The following CHN1 variants were observed in gnomAD, a reference collection of about 807,000 sequenced individuals.
CHN1 encodes chimerin 1, also known as N-chimaerin.
A neutral mutation model predicts 59.5 loss-of-function variants in CHN1; 37 were observed. The observed-to-expected ratio is 0.62, with a 90% confidence interval of 0.48 to 0.82. CHN1 has a LOEUF of 0.82. Among genes scored for constraint, CHN1 ranks in the 40% least tolerant of loss-of-function variants. The probability of loss-of-function intolerance (pLI) is 0.00; values close to 1 mark genes in which losing one functional copy is unlikely to be tolerated. For synonymous variants in CHN1, 206 were observed against 200.4 expected, an observed-to-expected ratio of 1.03 and a Z score of -0.24; for missense variants, 469 against 571.0, an observed-to-expected ratio of 0.82 and a Z score of 1.82.
At chr2:174,988,283 G>A (rs1012379137) in intron 1 of CHN1, among the ~76,000 whole-genome samples, 2 of 151,480 alleles carry the variant, frequency 1.3e-5, no homozygotes, top group African/African-American at 2.4e-5. Context: ...CGTGAACCCG[G>A]GAGGCGGAGC....
chr2:174,891,140 CAAAA>C (rs58016502), intron 5 of CHN1, among the ~76,000 whole-genome samples: 18 of 24,414 alleles, frequency 7.4e-4, no homozygotes, highest in African/African-American at 1.8e-3. Flanking sequence ...GACTCCATCT[CAAAA>C]AAAAAAAAAA....
At chr2:174,966,744 G>A (rs575783977) in intron 1 of CHN1, among the ~76,000 whole-genome samples, 5 of 152,274 alleles carry the variant, frequency 3.3e-5, no homozygotes, top group African/African-American at 9.6e-5. Context: ...AATCTGAGGT[G>A]AGAAGAAGAG....
At chr2:174,869,265 T>C in intron 6 of CHN1, among the ~76,000 whole-genome samples, 1 of 152,210 alleles carries the variant, frequency 6.6e-6, no homozygotes, top group East Asian at 1.9e-4. Context: ...TAATCACTAC[T>C]ATACACCTCT....
chr2:174,833,703 T>C (rs1685961906), intron 7 of CHN1, among the ~76,000 whole-genome samples: 1 of 152,238 alleles, frequency 6.6e-6, no homozygotes, highest in Non-Finnish European at 1.5e-5. Flanking sequence ...ATACTCTGAA[T>C]TAACTGCATA....
chr2:174,991,310 C>T (rs894762446), intron 1 of CHN1, among the ~76,000 whole-genome samples: 9 of 152,174 alleles, frequency 5.9e-5, no homozygotes, highest in African/African-American at 2.2e-4. Context: ...AGCAGAAGAA[C>T]CCATCATTTT....
chr2:174,892,745 A>G (rs187601097), intron 5 of CHN1, among the ~76,000 whole-genome samples: 1 of 152,340 alleles, frequency 6.6e-6, no homozygotes, highest in East Asian at 1.9e-4. Flanking sequence ...ACAGCACATT[A>G]AAAGAATTAC....
Position 174,802,810 on chromosome 2 carries a change from G to T in CHN1, c.1103-998C>A, listed in dbSNP as rs565961110. Among the ~76,000 whole-genome samples the T allele has an allele frequency of 3.3e-5, 5 of 152,218 alleles. No homozygotes were observed. In the East Asian group the frequency reaches 7.7e-4, roughly 24 times the overall value. ...ATCCCAGCACTTTGGGAGGCCGAGG[G>T]GGGTGGGTCATGAGGTCAGGAGTTT... On this transcript the variant is annotated intron_variant, in intron 11 of 12. Transcript: ENST00000409900.
At chr2:174,950,855 C>T (rs1244438356) in intron 2 of CHN1, among the ~76,000 whole-genome samples, 2 of 148,228 alleles carry the variant, frequency 1.3e-5, no homozygotes, top group African/African-American at 2.5e-5. Context: ...TCTTGGCTCA[C>T]TGCAACCTCT....
chr2:174,845,254 CAG>C (rs1267172592), intron 7 of CHN1, among the ~76,000 whole-genome samples: 2 of 152,146 alleles, frequency 1.3e-5, no homozygotes, highest in African/African-American at 4.8e-5. Context: ...CTGAACAAAT[CAG>C]AGTACATCTT....
At chr2:174,836,656 A>G (rs573016697) in intron 7 of CHN1, among the ~76,000 whole-genome samples, 243 of 152,294 alleles carry the variant, frequency 1.6e-3, no homozygotes, top group African/African-American at 5.7e-3. Context: ...CTTATTTTTC[A>G]GTACACAGAA....
At position 174,799,867 on chromosome 2, in the gene CHN1, A is replaced by G; in HGVS notation, c.*249T>C. 1 of 601,648 alleles carries G rather than the reference A, an allele frequency of 1.7e-6. No individual in the cohort carries two copies. Among genetic ancestry groups the G allele is most frequent in the South Asian group, 1.5e-5 (1 of 65,786 alleles). 37.3% of individuals were successfully genotyped at this position (601,648 alleles called of 1,614,324 possible). A position where few individuals can be genotyped will look rare whatever the true frequency, so the allele number is the denominator to read the frequency against. On this transcript the variant is annotated 3_prime_UTR_variant, in exon 13 of 13. Transcript: ENST00000409900. ...GGGTTTCCTTGCCAGATAGGGGGCT[A>G]ATCATGCAATAGCTTGAGTTTCTCT...
In CHN1 at chr2:174,988,558, C is replaced by A. The variant is rs151245462; in HGVS notation, c.19+16336G>T. On this transcript the variant is annotated intron_variant, in intron 1 of 12. Transcript: ENST00000409900. Reference sequence around the variant, plus strand: ...GTGCTTTATTAGTGATTACTTATAACAATATATTTAGTTGCCTTGAGACAA... The same window carrying A: ...GTGCTTTATTAGTGATTACTTATAAAAATATATTTAGTTGCCTTGAGACAA... Among the ~76,000 whole-genome samples, 570 of 152,166 alleles carry A rather than the reference C, an allele frequency of 3.7e-3. 4 individuals carry two copies. The highest frequency in any genetic ancestry group is 0.013 in the African/African-American group (546 of 41,496).
chr2:174,830,750 G>C (rs1012168815), intron 7 of CHN1, among the ~76,000 whole-genome samples: 1 of 152,190 alleles, frequency 6.6e-6, no homozygotes, highest in Non-Finnish European at 1.5e-5. Context: ...GGAGGCACTA[G>C]GCGGCTGGGG....
intron 1 of CHN1, 71 bp from the exon 2 acceptor site, chr2:174,952,273 T>G: frequency 1.1e-6 from 1 of 900,546 alleles, no homozygotes; most frequent in South Asian, 2.0e-5. Flanking sequence ...AATCATTAAC[T>G]CATTTAATAT....
At chr2:174,865,279 G>A (rs376999230) in intron 6 of CHN1, among the ~76,000 whole-genome samples, 2 of 152,204 alleles carry the variant, frequency 1.3e-5, no homozygotes, top group African/African-American at 4.8e-5. Flanking sequence ...CAGCTCTAGA[G>A]GTACTACTCC....
At chr2:174,848,002 AATTTT>A (rs1245045697) in intron 6 of CHN1, among the ~76,000 whole-genome samples, 4 of 152,142 alleles carry the variant, frequency 2.6e-5, no homozygotes, top group Admixed American at 1.3e-4. Flanking sequence ...ACCAAAACCC[AATTTT>A]ATTAAAGACA....
intron 1 of CHN1, among the ~76,000 whole-genome samples, chr2:174,982,004 T>A (rs944359324): frequency 6.6e-6 from 1 of 152,186 alleles, no homozygotes. Context: ...TGTCCATGTG[T>A]TCTCATTGTT....
chr2:174,903,126 A>G (rs1225517918), intron 5 of CHN1, among the ~76,000 whole-genome samples: 1 of 152,170 alleles, frequency 6.6e-6, no homozygotes, highest in Non-Finnish European at 1.5e-5. Context: ...TTAAATAACA[A>G]CTACATTTAC....
intron 3 of CHN1, among the ~76,000 whole-genome samples, chr2:174,940,538 T>C (rs1371481227): frequency 6.6e-6 from 1 of 152,122 alleles, no homozygotes; most frequent in Non-Finnish European, 1.5e-5. Flanking sequence ...CCACTGTTTT[T>C]TTTTTATGAT....
Sources: allele counts gnomAD v4.1 joint callset (sites outside exome capture counted in the v4.1 genomes callset), GRCh38; gene constraint gnomAD v4.1.1; transcripts MANE v1.5; gene names NCBI Gene and HGNC (gene_info 2026-07-23, HGNC 2026-07-21).